Variants in PACRG observed in about 807,000 individuals in gnomAD.
PACRG encodes the protein parkin coregulated.
A neutral mutation model predicts 29.7 loss-of-function variants in PACRG; 29 were observed. The ratio of observed to expected loss-of-function variants is 0.98; its 90% CI spans 0.73 to 1.33. The LOEUF (loss-of-function observed/expected upper bound fraction) is 1.33. Among genes scored for constraint, PACRG ranks in the 40% most tolerant of loss-of-function variants. PACRG has a pLI of 0.00. For missense variants in PACRG, 279 were observed against 316.2 expected (o/e 0.88, Z 0.89); for synonymous variants, 116 against 118.7 (o/e 0.98, Z 0.15).
intron 2 of PACRG, among the ~76,000 whole-genome samples, chr6:163,033,681 T>TA (rs1268253513): frequency 3.9e-5 from 6 of 152,194 alleles, no homozygotes; most frequent in African/African-American, 1.4e-4. Flanking sequence ...AGATAAAAGA[T>TA]AGAGGACTCA....
chr6:163,277,201 A>G (rs1298485252), intron 4 of PACRG, among the ~76,000 whole-genome samples: 2 of 151,982 alleles, frequency 1.3e-5, no homozygotes, highest in East Asian at 3.9e-4. Flanking sequence ...TGGTGCACCC[A>G]TCACCTGAGC....
intron 4 of PACRG, among the ~76,000 whole-genome samples, chr6:163,176,071 C>A (rs2747695): frequency 0.47 from 71,563 of 152,002 alleles, 17,528 homozygotes; most frequent in Middle Eastern, 0.57. Flanking sequence ...CAAGTAGACC[C>A]GTTAAGAGCA....
intron 2 of PACRG, among the ~76,000 whole-genome samples, chr6:162,874,376 T>A (rs1457183624): frequency 1.3e-5 from 2 of 152,152 alleles, no homozygotes; most frequent in African/African-American, 4.8e-5. Context: ...ATTTAGGGTT[T>A]TGGGCTAGGG....
chr6:163,042,183 C>G (rs114002126), intron 2 of PACRG, among the ~76,000 whole-genome samples: 2,133 of 152,136 alleles, frequency 0.014, 50 homozygotes, highest in African/African-American at 0.049. Flanking sequence ...GCAGCTGGAA[C>G]GTGGTGGCAT....
chr6:163,131,036 A>G (rs1015675526), intron 4 of PACRG, among the ~76,000 whole-genome samples: 2 of 152,176 alleles, frequency 1.3e-5, no homozygotes, highest in African/African-American at 4.8e-5. Flanking sequence ...GGCCGGGCGC[A>G]GTGGCTCAAG....
At chr6:162,847,836 A>T (rs1790533145) in intron 2 of PACRG, among the ~76,000 whole-genome samples, 2 of 152,132 alleles carry the variant, frequency 1.3e-5, no homozygotes. Context: ...CTGACCATCA[A>T]GTATTTTATA....
intron 2 of PACRG, among the ~76,000 whole-genome samples, chr6:162,863,921 T>C (rs561115060): frequency 6.6e-6 from 1 of 152,312 alleles, no homozygotes; most frequent in East Asian, 1.9e-4. Context: ...TGATCCTTAT[T>C]TTGAGGCCTT....
At chr6:162,921,219 G>A (rs1167924899) in intron 2 of PACRG, among the ~76,000 whole-genome samples, 1 of 152,184 alleles carries the variant, frequency 6.6e-6, no homozygotes, top group African/African-American at 2.4e-5. Context: ...GAGAGACAGA[G>A]TGGGGAGGGA....
At chr6:163,164,068 T>G (rs1778688093) in intron 4 of PACRG, among the ~76,000 whole-genome samples, 1 of 152,038 alleles carries the variant, frequency 6.6e-6, no homozygotes, top group Non-Finnish European at 1.5e-5. Context: ...AATCATGAAG[T>G]TCTACAAAGT....
chr6:162,974,676 T>C (rs1265584659), intron 2 of PACRG, among the ~76,000 whole-genome samples: 1 of 152,258 alleles, frequency 6.6e-6, no homozygotes, highest in African/African-American at 2.4e-5. Flanking sequence ...ATGATGATGA[T>C]ATTAATAATT....
At chr6:163,073,836 C>T (rs188330079) in intron 3 of PACRG, among the ~76,000 whole-genome samples, 19 of 152,234 alleles carry the variant, frequency 1.2e-4, no homozygotes, top group Admixed American at 2.6e-4. Context: ...AAAAGGTTCT[C>T]GACATAATTG....
intron 4 of PACRG, among the ~76,000 whole-genome samples, chr6:163,156,068 C>A (rs116995782): frequency 2.0e-5 from 3 of 152,212 alleles, no homozygotes; most frequent in African/African-American, 7.2e-5. Flanking sequence ...CCCTCGCCGC[C>A]GTGTGCGGAA....
At chr6:163,070,701 A>G (rs1811958550) in intron 3 of PACRG, among the ~76,000 whole-genome samples, 1 of 152,004 alleles carries the variant, frequency 6.6e-6, no homozygotes, top group African/African-American at 2.4e-5. Context: ...GTGAGTCTTT[A>G]TCAATAATAA....
intron 4 of PACRG, among the ~76,000 whole-genome samples, chr6:163,223,466 C>G (rs1781666930): frequency 1.3e-5 from 2 of 151,830 alleles, no homozygotes; most frequent in South Asian, 4.2e-4. Context: ...TGTGTGTGTC[C>G]CATTGAGAAA....
intron 1 of PACRG, among the ~76,000 whole-genome samples, chr6:162,743,710 G>A (rs1290827795): frequency 6.6e-6 from 1 of 151,786 alleles, no homozygotes; most frequent in Non-Finnish European, 1.5e-5. Flanking sequence ...GTTTTATTGA[G>A]ATGTAATTCA....
intron 2 of PACRG, among the ~76,000 whole-genome samples, chr6:162,873,625 C>G (rs1181683817): frequency 6.6e-6 from 1 of 152,094 alleles, no homozygotes; most frequent in Non-Finnish European, 1.5e-5. Flanking sequence ...ATGAAGCAAA[C>G]CAGGATGACC....
At chr6:162,908,795 G>A (rs1278892082) in intron 2 of PACRG, among the ~76,000 whole-genome samples, 3 of 152,198 alleles carry the variant, frequency 2.0e-5, no homozygotes, top group African/African-American at 4.8e-5. Flanking sequence ...GCAGTGGCTA[G>A]GCCATCAGCC....
At chr6:163,182,372 A>G (rs1221776253) in intron 4 of PACRG, among the ~76,000 whole-genome samples, 1 of 152,262 alleles carries the variant, frequency 6.6e-6, no homozygotes, top group Non-Finnish European at 1.5e-5. Context: ...TGGAAACAAA[A>G]GGCAAGAATG....
intron 4 of PACRG, among the ~76,000 whole-genome samples, chr6:163,269,995 GAA>G (rs1263765321): frequency 9.3e-6 from 1 of 107,160 alleles, no homozygotes; most frequent in African/African-American, 3.6e-5. Context: ...AAGAAAGAAA[GAA>G]AGAAAGAAAG....
Sources: allele counts gnomAD v4.1 joint callset (sites outside exome capture counted in the v4.1 genomes callset), GRCh38; gene constraint gnomAD v4.1.1; transcripts MANE v1.5; gene names NCBI Gene and HGNC (gene_info 2026-07-23, HGNC 2026-07-21).